Variants in SNX6 observed in about 807,000 individuals in gnomAD.
The protein encoded by SNX6 is sorting nexin-6.
A neutral mutation model predicts 63.0 loss-of-function variants in SNX6; 34 were observed. That is an observed-to-expected ratio of 0.54 (90% CI 0.41 to 0.72). The LOEUF (loss-of-function observed/expected upper bound fraction) is 0.72. Ranked by LOEUF, SNX6 falls within the 30% of genes least tolerant of loss-of-function variation. The pLI is 0.00. For synonymous variants in SNX6, 170 were observed against 164.2 expected, an observed-to-expected ratio of 1.04 and a Z score of -0.27; for missense variants, 398 against 471.4, an observed-to-expected ratio of 0.84 and a Z score of 1.44.
At chr14:34,619,923 G>A (rs1020941906) in intron 2 of SNX6, among the ~76,000 whole-genome samples, 4 of 152,016 alleles carry the variant, frequency 2.6e-5, no homozygotes, top group Non-Finnish European at 5.9e-5. Flanking sequence ...TGCTGCCCAA[G>A]CTAGACTTGA....
chr14:34,625,662 G>A (rs1169116233), intron 2 of SNX6, among the ~76,000 whole-genome samples: 1 of 152,086 alleles, frequency 6.6e-6, no homozygotes, highest in Non-Finnish European at 1.5e-5. Flanking sequence ...CTTAACCCGG[G>A]AGGTGGAGGT....
intron 2 of SNX6, among the ~76,000 whole-genome samples, chr14:34,620,901 C>T (rs1304436849): frequency 6.6e-6 from 1 of 151,912 alleles, no homozygotes; most frequent in African/African-American, 2.4e-5. Flanking sequence ...GAGATGGTGC[C>T]ACTGCACTCC....
intron 2 of SNX6, among the ~76,000 whole-genome samples, chr14:34,616,163 C>A (rs1883412490): frequency 6.6e-6 from 1 of 151,936 alleles, no homozygotes; most frequent in Non-Finnish European, 1.5e-5. Flanking sequence ...ACAATGTTGG[C>A]CAGGATGGTC....
intron 8 of SNX6, among the ~76,000 whole-genome samples, chr14:34,587,790 G>T (rs1054609602): frequency 2.8e-5 from 4 of 144,128 alleles, no homozygotes; most frequent in Non-Finnish European, 4.5e-5. Context: ...TGCCACCACG[G>T]TTGGCTAATT....
intron 10 of SNX6, among the ~76,000 whole-genome samples, chr14:34,580,905 C>T (rs1309777370): frequency 1.3e-5 from 2 of 152,178 alleles, no homozygotes; most frequent in African/African-American, 4.8e-5. Context: ...ATCCTCCTGC[C>T]TCAGCCTCCC....
At chr14:34,626,420 C>T (rs954651024) in intron 2 of SNX6, among the ~76,000 whole-genome samples, 3 of 150,694 alleles carry the variant, frequency 2.0e-5, no homozygotes, top group South Asian at 4.2e-4. Flanking sequence ...TTTGGGAGGC[C>T]GAGGCAGGCA....
intron 2 of SNX6, among the ~76,000 whole-genome samples, chr14:34,622,076 A>AGCAGG (rs1429048978): frequency 1.4e-5 from 2 of 147,614 alleles, no homozygotes; most frequent in African/African-American, 5.0e-5. Flanking sequence ...CTCCTGCCTC[A>AGCAGG]GTTTCCCTAG....
intron 5 of SNX6, among the ~76,000 whole-genome samples, chr14:34,604,556 G>C (rs1176843853): frequency 6.6e-6 from 1 of 152,090 alleles, no homozygotes; most frequent in Admixed American, 6.6e-5. Flanking sequence ...ACCAGAAAAA[G>C]TGACAGAGGT....
chr14:34,611,229 G>A (rs913883253), intron 2 of SNX6, among the ~76,000 whole-genome samples: 6 of 145,906 alleles, frequency 4.1e-5, no homozygotes, highest in Non-Finnish European at 7.5e-5. Flanking sequence ...CTGACCTCAA[G>A]TGATCCGCCC....
chr14:34,605,172 T>A (rs932735308), intron 5 of SNX6, among the ~76,000 whole-genome samples: 7 of 152,028 alleles, frequency 4.6e-5, no homozygotes, highest in Non-Finnish European at 5.9e-5. Flanking sequence ...TATGGCAATA[T>A]GCCCACATTG....
At chr14:34,599,885 T>C (rs1007136703) in intron 6 of SNX6, among the ~76,000 whole-genome samples, 3 of 152,058 alleles carry the variant, frequency 2.0e-5, no homozygotes, top group African/African-American at 2.4e-5. Flanking sequence ...TAAAATTCCA[T>C]AGTTCTCATT....
At chr14:34,603,308 A>C (rs757914741) in intron 6 of SNX6, 40 bp downstream of exon 6, 1 of 1,562,286 alleles carries the variant, frequency 6.4e-7, no homozygotes, top group South Asian at 1.2e-5. Context: ...AAGAAGAAGA[A>C]GAAAAAGAAA....
At chr14:34,615,505 A>C (rs553100517) in intron 2 of SNX6, among the ~76,000 whole-genome samples, 1 of 152,342 alleles carries the variant, frequency 6.6e-6, no homozygotes, top group African/African-American at 2.4e-5. Flanking sequence ...TATAGGCGTA[A>C]GCCACCGCAC....
chr14:34,615,710 T>G (rs1360673632), intron 2 of SNX6, among the ~76,000 whole-genome samples: 2 of 151,850 alleles, frequency 1.3e-5, no homozygotes, highest in East Asian at 3.9e-4. Context: ...AACTCCTGGC[T>G]TAAGCAATCC....
intron 9 of SNX6, among the ~76,000 whole-genome samples, chr14:34,582,377 G>A (rs1881976626): frequency 6.6e-6 from 1 of 151,946 alleles, no homozygotes; most frequent in Admixed American, 6.6e-5. Flanking sequence ...TGTAGTCCCA[G>A]CTATTCGGGA....
At position 34,626,668 on chromosome 14, in the gene SNX6, CA is replaced by C. The variant is rs56118978; in HGVS notation, c.54+3238del. ...TGGGCAACAGAGCGAGACTCCATTT[CA>C]AAAAAAAAAAAAGAGAAAGTTTCTG... On this transcript the variant is annotated intron_variant, in intron 2 of 13. Transcript: ENST00000362031. Among the ~76,000 whole-genome samples, 81 of 126,498 alleles carry C rather than the reference CA, an allele frequency of 6.4e-4. 1 individual carries two copies. Among genetic ancestry groups the C allele is most frequent in the Non-Finnish European group, 6.9e-4 (43 of 62,468 alleles). The allele number at this position is 126,498 out of a possible 152,430, so 83.0% of individuals were successfully genotyped here. A position where few individuals can be genotyped will look rare whatever the true frequency, so the allele number is the denominator to read the frequency against.
chr14:34,604,367 A>C (rs1882938347), intron 5 of SNX6: 1 of 1,010,256 alleles, frequency 9.9e-7, no homozygotes. Context: ...CAGTCTTATA[A>C]ACTTTGAATA....
intron 6 of SNX6, among the ~76,000 whole-genome samples, chr14:34,599,415 T>G (rs1882718563): frequency 6.6e-6 from 1 of 152,016 alleles, no homozygotes; most frequent in African/African-American, 2.4e-5. Flanking sequence ...AAACTAGCCT[T>G]GAAGAACATG....
chr14:34,586,298 T>C lies in SNX6; in HGVS notation c.726A>G (p.Ala242=), dbSNP rs149386769. 1.4e-5 allele frequency: 22 copies of C among 1,605,492 alleles called. No homozygotes were observed. The African/African-American group carries it at 2.5e-4, about 19-fold the overall frequency. The stretch of plus-strand genomic sequence containing the variant: ...AAGAACCAATTCTATTGTAATCATC[T>C]GCAGCACCTATGGAGAAAGTTTTAA... The part of the protein sequence containing the change: ...DRMTRSHKSA[A]DDYNRIGSSL... The change falls in exon 9 of 14, where the codon GCA becomes GCG. Residue 242 remains alanine, a synonymous_variant. Transcript: ENST00000362031.
Sources: allele counts gnomAD v4.1 joint callset (sites outside exome capture counted in the v4.1 genomes callset), GRCh38; gene constraint gnomAD v4.1.1; transcripts MANE v1.5; gene names NCBI Gene and HGNC (gene_info 2026-07-23, HGNC 2026-07-21).